CNOT8: variants seen among roughly 807,000 people sequenced by gnomAD.
The protein encoded by CNOT8 is CAF1-like protein.
A neutral mutation model predicts 34.6 loss-of-function variants in CNOT8; 18 were observed. The observed-to-expected ratio is 0.52, with a 90% CI of 0.36 to 0.77. The LOEUF (loss-of-function observed/expected upper bound fraction) is 0.77. CNOT8 is among the 30% of genes least tolerant of loss of function. CNOT8 has a pLI of 0.00. For missense variants in CNOT8, 189 were observed against 347.9 expected (o/e 0.54, Z 3.63); for synonymous variants, 101 against 118.8 (o/e 0.85, Z 0.98).
At position 154,875,499 on chromosome 5, in the gene CNOT8, G is replaced by A. The variant is rs920479823; in HGVS notation, c.*60G>A. 6 of 1,572,856 alleles carry A rather than the reference G, an allele frequency of 3.8e-6. No individual in the cohort carries two copies. The Admixed American group carries it at 7.1e-5, about 19-fold the overall frequency. On this transcript the variant is annotated 3_prime_UTR_variant, in exon 7 of 7. Coordinates refer to ENST00000285896, the MANE Select transcript of CNOT8 (RefSeq NM_001301073.2). ...GAGTGGTGCTTACTGTGCTGACTGT[G>A]TACTTATCTTCCCCAAGAGAAAATG...
At chr5:154,859,445 A>T in intron 1 of CNOT8, 1 of 152,160 alleles carries the variant, frequency 6.6e-6, no homozygotes, top group Middle Eastern at 3.2e-3. Context: ...TGGTTTTAAG[A>T]AGTTTGAACT....
chr5:154,870,574 A>G, intron 3 of CNOT8, 87 bp from the exon 4 acceptor site: 1 of 983,088 alleles, frequency 1.0e-6, no homozygotes, highest in Non-Finnish European at 1.5e-6. Context: ...AAATACTTGT[A>G]CTATAATTAT....
In CNOT8 at chr5:154,865,394, T is replaced by C. The variant is rs1030453960; in HGVS notation, c.311+9T>C. On this transcript the variant is annotated intron_variant, in intron 3 of 6. Transcript: ENST00000285896. ...TTCAAATTTAACCTTACGTAAGTGA[T>C]TTCTAAATAAATGCGTTAATTTTAA... 6.4e-7 allele frequency: 1 copy of C among 1,570,720 alleles called. No individual in the cohort carries two copies. The highest frequency in any genetic ancestry group is 2.0e-5 in the Admixed American group (1 of 50,086).
rs115772424 is a variant in CNOT8, at chr5:154,864,031, G to C, written c.117+636G>C. Among the ~76,000 whole-genome samples the C allele has an allele frequency of 2.8e-3, 430 of 152,108 alleles. 1 individual carries two copies. Among genetic ancestry groups the C allele is most frequent in the African/African-American group, 9.7e-3 (402 of 41,486 alleles). On this transcript the variant is annotated intron_variant, in intron 2 of 6. Transcript: ENST00000285896. ...GCTGGAGAGAGAGATGAGTATTGTGGTAATATTAAGGGCCTCCTGTAGACG... is the reference window on the plus strand; with the variant it reads ...GCTGGAGAGAGAGATGAGTATTGTGCTAATATTAAGGGCCTCCTGTAGACG...
rs1035499725 is a variant in CNOT8, at chr5:154,859,996, A to T, written c.-73+1228A>T. The T allele has an allele frequency of 4.6e-5, 7 of 152,342 alleles. No individual in the cohort carries two copies. The South Asian group carries it at 1.5e-3, about 32-fold the overall frequency. The allele number at this position is 152,342 out of a possible 1,614,324, so 9.4% of individuals were successfully genotyped here. ...ATGTAATAAAAATTAACCCTTAAAA[A>T]TTCCTAGGAAGGTGCAACGCTTGAG... is the stretch of plus-strand genomic sequence containing the variant. On this transcript the variant is annotated intron_variant, in intron 1 of 6. Coordinates refer to ENST00000285896, the MANE Select transcript of CNOT8 (RefSeq NM_001301073.2).
intron 3 of CNOT8, among the ~76,000 whole-genome samples, chr5:154,870,168 G>A (rs1050625758): frequency 6.6e-6 from 1 of 151,828 alleles, no homozygotes; most frequent in Non-Finnish European, 1.5e-5. Flanking sequence ...CTCAGCCTCC[G>A]GAGTAGTTAG....
chr5:154,865,417 T>G (rs765802788), intron 3 of CNOT8, 32 bp downstream of exon 3: 16 of 1,516,766 alleles, frequency 1.1e-5, no homozygotes, highest in Non-Finnish European at 1.4e-5. Flanking sequence ...GCGTTAATTT[T>G]AAGTTTTGTT....
chr5:154,870,063 A>G (rs1411123331), intron 3 of CNOT8, among the ~76,000 whole-genome samples: 1 of 151,894 alleles, frequency 6.6e-6, no homozygotes, highest in Non-Finnish European at 1.5e-5. Context: ...CGGCCTACTT[A>G]TTTTATTTTT....
Position 154,863,290 on chromosome 5 carries a change from A to T in CNOT8, c.12A>T (p.Ala4=). 6.2e-7 allele frequency: 1 copy of T among 1,613,852 alleles called. No homozygotes were observed. Among genetic ancestry groups the T allele is most frequent in the Non-Finnish European group, 8.5e-7 (1 of 1,179,730 alleles). The change falls in exon 2 of 7, where the codon GCA becomes GCT. Residue 4 remains alanine, a synonymous_variant. Coordinates refer to ENST00000285896, the MANE Select transcript of CNOT8 (RefSeq NM_001301073.2). ...CAGGTTTCTTCAGGATGCCTGCAGC[A>T]CTTGTGGAGAATAGCCAGGTTATCT... is the stretch of plus-strand genomic sequence containing the variant. The part of the protein sequence containing the change: MPA[A]LVENSQVICE...
intron 1 of CNOT8, chr5:154,859,827 C>T (rs963647465): frequency 5.3e-5 from 8 of 152,222 alleles, no homozygotes; most frequent in African/African-American, 1.9e-4. Context: ...TCTGAACATA[C>T]TGCACTGCAG....
chr5:154,858,900 C>A, intron 1 of CNOT8, 132 bp downstream of exon 1: 1 of 152,220 alleles, frequency 6.6e-6, no homozygotes, highest in Non-Finnish European at 1.5e-5. Context: ...AGAGGAACCC[C>A]AGCAAAGAGT....
intron 6 of CNOT8, among the ~76,000 whole-genome samples, chr5:154,873,848 T>G (rs1762700717): frequency 6.6e-6 from 1 of 152,190 alleles, no homozygotes; most frequent in Admixed American, 6.5e-5. Flanking sequence ...TTAATATCTG[T>G]AGATGATTTT....
At chr5:154,864,540 G>C (rs1323722662) in intron 2 of CNOT8, among the ~76,000 whole-genome samples, 2 of 151,840 alleles carry the variant, frequency 1.3e-5, no homozygotes, top group African/African-American at 4.8e-5. Context: ...AGCTAAGCCT[G>C]TCTCTTTATA....
At chr5:154,866,092 A>T (rs1561682486) in intron 3 of CNOT8, among the ~76,000 whole-genome samples, 1 of 152,158 alleles carries the variant, frequency 6.6e-6, no homozygotes, top group Non-Finnish European at 1.5e-5. Flanking sequence ...GCATAAAATG[A>T]TGTTAGTGTA....
rs1272085621 is a variant in CNOT8 at position 154,875,644 on chromosome 5, A to G, written c.*205A>G. 21 of 555,172 alleles carry G rather than the reference A, an allele frequency of 3.8e-5. No homozygotes were observed. The highest frequency in any genetic ancestry group is 5.8e-5 in the Non-Finnish European group (19 of 327,334). 34.4% of individuals were successfully genotyped at this position (555,172 alleles called of 1,614,324 possible). ...AGAGGAGTTTGCTCTGAATTTGTAA[A>G]TAAGTCTTCCCCATTCCTCATACTC... On this transcript the variant is annotated 3_prime_UTR_variant, in exon 7 of 7. Coordinates refer to ENST00000285896, the MANE Select transcript of CNOT8 (RefSeq NM_001301073.2).
At chr5:154,869,428 T>TG (rs1378568569) in intron 3 of CNOT8, among the ~76,000 whole-genome samples, 4 of 105,894 alleles carry the variant, frequency 3.8e-5, no homozygotes, top group African/African-American at 2.1e-4. Context: ...CTTGTTGGTT[T>TG]TTTTTTTTTT....
At chr5:154,862,142 TTC>T (rs1264139105) in intron 1 of CNOT8, among the ~76,000 whole-genome samples, 1 of 152,200 alleles carries the variant, frequency 6.6e-6, no homozygotes, top group Non-Finnish European at 1.5e-5. Context: ...CCATGAATCA[TTC>T]TGTTTCTGGT....
chr5:154,873,869 A>G (rs977075157), intron 6 of CNOT8, among the ~76,000 whole-genome samples: 15 of 152,130 alleles, frequency 9.9e-5, no homozygotes, highest in African/African-American at 2.2e-4. Context: ...GGTTGTCACA[A>G]TCTGGTGGGG....
intron 3 of CNOT8, among the ~76,000 whole-genome samples, chr5:154,867,439 A>G (rs1762007344): frequency 6.6e-6 from 1 of 152,202 alleles, no homozygotes; most frequent in South Asian, 2.1e-4. Context: ...AACATGTTAC[A>G]AGTTATTTAA....
Sources: allele counts gnomAD v4.1 joint callset (sites outside exome capture counted in the v4.1 genomes callset), GRCh38; gene constraint gnomAD v4.1.1; transcripts MANE v1.5; gene names NCBI Gene and HGNC (gene_info 2026-07-23, HGNC 2026-07-21).